Variants in PDE4D observed in about 807,000 individuals in gnomAD.
The protein encoded by PDE4D is phosphodiesterase 4D.
Under a neutral mutation model 87.4 loss-of-function variants are expected in PDE4D, and 24 were observed. The observed-to-expected ratio is 0.27, with a 90% CI of 0.20 to 0.39. The LOEUF is 0.39. PDE4D is among the 10% of genes least tolerant of loss of function. The pLI is 1.00. For synonymous variants in PDE4D, 384 were observed against 383.2 expected, an observed-to-expected ratio of 1.00 and a Z score of -0.02; for missense variants, 714 against 1,041.0, an observed-to-expected ratio of 0.69 and a Z score of 4.32.
chr5:59,753,523 T>C (rs1760788647), intron 1 of PDE4D, among the ~76,000 whole-genome samples: 1 of 152,252 alleles, frequency 6.6e-6, no homozygotes, highest in Non-Finnish European at 1.5e-5. Flanking sequence ...AACTTGAGCC[T>C]GGGAAATGAG....
rs1039410707 is a variant in PDE4D, at chr5:59,520,640, A to T, written c.456-304672T>A. On this transcript the variant is annotated intron_variant, in intron 1 of 14. Transcript: ENST00000340635. ...AGAACGATTTAAGATGATAGGAAAG[A>T]GGCCAAGTTTCATGGAACCTTTATT... Among the ~76,000 whole-genome samples, 131 of 152,236 alleles carry T rather than the reference A, an allele frequency of 8.6e-4. 1 individual carries two copies. The highest frequency in any genetic ancestry group is 3.0e-3 in the African/African-American group (125 of 41,542).
Position 59,951,370 on chromosome 5 carries a change from T to A in PDE4D, c.272+37118A>T, listed in dbSNP as rs538171791. 7.2e-5 allele frequency among the ~76,000 whole-genome samples: 11 copies of A among 152,316 alleles called. No individual in the cohort carries two copies. In the South Asian group the frequency reaches 1.9e-3, roughly 26 times the overall value. On this transcript the variant is annotated intron_variant, in intron 3 of 16. Coordinates refer to the PDE4D transcript ENST00000502484. Reference sequence around the variant, plus strand: ...ACTAAAGTATGGTGGTCAGTAACTTTTTACTTTTCCAAATATGGACAGTTA... The same window carrying A: ...ACTAAAGTATGGTGGTCAGTAACTTATTACTTTTCCAAATATGGACAGTTA...
chr5:59,276,111 C>G (rs1418842641), intron 1 of PDE4D: 1 of 678,274 alleles, frequency 1.5e-6, no homozygotes, highest in Non-Finnish European at 1.8e-6. Flanking sequence ...CACCGCAGGG[C>G]AGTGAGAAAG....
intron 2 of PDE4D, among the ~76,000 whole-genome samples, chr5:60,049,858 G>C (rs567770301): frequency 6.6e-6 from 1 of 152,210 alleles, no homozygotes; most frequent in East Asian, 1.9e-4. Flanking sequence ...AGCCTACAGA[G>C]GCAGGCAGGC....
chr5:60,113,509 G>A (rs12189373), intron 2 of PDE4D, among the ~76,000 whole-genome samples: 20,979 of 151,952 alleles, frequency 0.14, 1,493 homozygotes, highest in Middle Eastern at 0.22. Flanking sequence ...TGGAGGCCTC[G>A]GAGCTGGACA....
At chr5:59,813,181 C>A (rs1768562922) in intron 1 of PDE4D, among the ~76,000 whole-genome samples, 1 of 152,138 alleles carries the variant, frequency 6.6e-6, no homozygotes, top group South Asian at 2.1e-4. Flanking sequence ...GTTCACAACT[C>A]CCTTACAACA....
chr5:59,516,724 A>G (rs1444015392), intron 1 of PDE4D, among the ~76,000 whole-genome samples: 1 of 152,218 alleles, frequency 6.6e-6, no homozygotes, highest in Admixed American at 6.5e-5. Flanking sequence ...ATTTTTATAG[A>G]AAAAGAAACA....
chr5:59,996,171 T>G (rs774741579), intron 2 of PDE4D, among the ~76,000 whole-genome samples: 2 of 152,196 alleles, frequency 1.3e-5, no homozygotes, highest in Non-Finnish European at 2.9e-5. Flanking sequence ...ATGAAGGATT[T>G]CAGACACTCA....
chr5:59,291,948 G>C (rs1768122377), intron 1 of PDE4D, among the ~76,000 whole-genome samples: 1 of 151,826 alleles, frequency 6.6e-6, no homozygotes, highest in African/African-American at 2.4e-5. Context: ...TGTTCTCTGT[G>C]TTCTTAAAGA....
intron 5 of PDE4D, among the ~76,000 whole-genome samples, chr5:59,093,781 T>C (rs553019395): frequency 6.6e-6 from 1 of 152,120 alleles, no homozygotes; most frequent in South Asian, 2.1e-4. Flanking sequence ...CTCTCCATAA[T>C]GAAGAAGAGA....
chr5:60,039,449 G>A (rs188447242), intron 2 of PDE4D, among the ~76,000 whole-genome samples: 5 of 150,246 alleles, frequency 3.3e-5, no homozygotes, highest in South Asian at 4.3e-4. Flanking sequence ...GTGGTGGGAG[G>A]GGGGAGGGAT....
At chr5:59,971,697 G>T (rs958809970) in intron 3 of PDE4D, among the ~76,000 whole-genome samples, 4 of 152,040 alleles carry the variant, frequency 2.6e-5, no homozygotes, top group Non-Finnish European at 4.4e-5. Flanking sequence ...ATCTTTTTAT[G>T]TAAAAAAATA....
chr5:59,458,509 C>T (rs1374971088), intron 1 of PDE4D, among the ~76,000 whole-genome samples: 2 of 152,122 alleles, frequency 1.3e-5, no homozygotes, highest in Admixed American at 6.5e-5. Context: ...TGCCTGCTTT[C>T]TGAATCTGCT....
chr5:59,633,993 T>C (rs1280393349), intron 1 of PDE4D, among the ~76,000 whole-genome samples: 1 of 151,824 alleles, frequency 6.6e-6, no homozygotes, highest in Non-Finnish European at 1.5e-5. Context: ...AGTAGACTCA[T>C]CTCATGTGCA....
At chr5:59,961,368 G>C (rs773826229) in intron 3 of PDE4D, among the ~76,000 whole-genome samples, 42 of 151,606 alleles carry the variant, frequency 2.8e-4, no homozygotes, top group Non-Finnish European at 5.9e-4. Context: ...CCCATGCCAA[G>C]GAGTGCCAAG....
At chr5:60,159,425 T>G (rs1462036160) in intron 2 of PDE4D, among the ~76,000 whole-genome samples, 1 of 152,222 alleles carries the variant, frequency 6.6e-6, no homozygotes, top group Admixed American at 6.5e-5. Context: ...CAGTAACACT[T>G]ATTATCAGTA....
At chr5:59,187,808 T>G (rs1455805949) in intron 3 of PDE4D, among the ~76,000 whole-genome samples, 1 of 152,208 alleles carries the variant, frequency 6.6e-6, no homozygotes, top group African/African-American at 2.4e-5. Context: ...CAAACTATTT[T>G]ATAAATTTTA....
intron 2 of PDE4D, among the ~76,000 whole-genome samples, chr5:60,182,723 C>CA (rs1314773900): frequency 6.1e-4 from 92 of 151,680 alleles, no homozygotes; most frequent in African/African-American, 2.1e-3. Context: ...CTAAAAATGC[C>CA]AAAAAAATTA....
At chr5:60,424,678 G>A (rs955187425) in intron 1 of PDE4D, among the ~76,000 whole-genome samples, 12 of 152,182 alleles carry the variant, frequency 7.9e-5, no homozygotes, top group African/African-American at 2.9e-4. Context: ...GGAAGTTCTG[G>A]CTGGGGCAAT....
Sources: allele counts gnomAD v4.1 joint callset (sites outside exome capture counted in the v4.1 genomes callset), GRCh38; gene constraint gnomAD v4.1.1; transcripts MANE v1.5; gene names NCBI Gene and HGNC (gene_info 2026-07-23, HGNC 2026-07-21).